Variants in MAP3K3 observed in about 807,000 individuals in gnomAD.
The protein encoded by MAP3K3 is MAP/ERK kinase kinase 3.
In MAP3K3, 12 loss-of-function variants were observed where a neutral mutation model predicts 80.9. The observed-to-expected ratio is 0.15, with a 90% confidence interval of 0.10 to 0.24. The LOEUF (loss-of-function observed/expected upper bound fraction) is 0.24, where lower values mean the gene tolerates loss of function less well. MAP3K3 is among the 10% of genes least tolerant of loss of function. The pLI is 1.00. For missense variants in MAP3K3, 596 were observed against 834.7 expected (o/e 0.71, Z 3.52); for synonymous variants, 272 against 307.1 (o/e 0.89, Z 1.19).
chr17:63,685,202 T>C (rs1472814942), intron 7 of MAP3K3, among the ~76,000 whole-genome samples: 1 of 152,188 alleles, frequency 6.6e-6, no homozygotes, highest in Non-Finnish European at 1.5e-5. Flanking sequence ...AGCAGGGTAG[T>C]ACCATCTCCA....
intron 1 of MAP3K3, among the ~76,000 whole-genome samples, chr17:63,630,904 CTT>C (rs1303385540): frequency 6.6e-6 from 1 of 152,098 alleles, no homozygotes; most frequent in Non-Finnish European, 1.5e-5. Context: ...GCAAAAACCT[CTT>C]TATAGGCAAC....
At chr17:63,677,449 G>T (rs2035241916) in intron 6 of MAP3K3, among the ~76,000 whole-genome samples, 1 of 152,212 alleles carries the variant, frequency 6.6e-6, no homozygotes, top group Non-Finnish European at 1.5e-5. Flanking sequence ...TGTGTTTTGT[G>T]ACATGATAAG....
rs528982316 is a variant in MAP3K3, at chr17:63,639,207, A to G, written c.126+6405A>G. Among the ~76,000 whole-genome samples, 5 of 152,290 alleles carry G rather than the reference A, an allele frequency of 3.3e-5. No individual in the cohort carries two copies. The South Asian group carries it at 6.2e-4, about 19-fold the overall frequency. ...AAGATGAGCCTGGGCCAGAGGAGCT[A>G]TGGAGTCATTTCAGGTGGAAGGGCA... is the stretch of plus-strand genomic sequence containing the variant. On this transcript the variant is annotated intron_variant, in intron 2 of 15. Coordinates refer to ENST00000361733, the MANE Select transcript of MAP3K3 (RefSeq NM_002401.5).
intron 2 of MAP3K3, chr17:63,637,133 G>A (rs539594040): frequency 5.6e-5 from 18 of 324,054 alleles, no homozygotes; most frequent in African/African-American, 2.9e-4. Flanking sequence ...GTGTGTGTGC[G>A]TGCATGCGCA....
rs1041565021 is a variant in MAP3K3 at position 63,689,238 on chromosome 17, C to T, written c.872-306C>T. 3.4e-5 allele frequency: 18 copies of T among 525,870 alleles called. No individual in the cohort carries two copies. Among genetic ancestry groups the T allele is most frequent in the Non-Finnish European group, 5.1e-5 (15 of 294,798 alleles). 32.6% of individuals were successfully genotyped at this position (525,870 alleles called of 1,614,324 possible). A position where few individuals can be genotyped will look rare whatever the true frequency, so the allele number is the denominator to read the frequency against. On this transcript the variant is annotated intron_variant, in intron 10 of 15. Coordinates refer to ENST00000361733, the MANE Select transcript of MAP3K3 (RefSeq NM_002401.5). The surrounding 1 kb of genome is among the most constrained non-coding windows in gnomAD (Gnocchi z 4.3). ...TGCCTTCGGGTGTGGCTTGGCCTTG[C>T]AAGCAATTGGGAGCCTGTTGGCCAG...
chr17:63,659,431 T>C (rs750330867), intron 5 of MAP3K3, among the ~76,000 whole-genome samples: 3 of 152,122 alleles, frequency 2.0e-5, no homozygotes, highest in Non-Finnish European at 2.9e-5. Context: ...AAAATTGCTC[T>C]GTGCTCAGGA....
intron 3 of MAP3K3, among the ~76,000 whole-genome samples, chr17:63,652,224 C>T (rs1194950734): frequency 6.6e-6 from 1 of 152,104 alleles, no homozygotes; most frequent in East Asian, 1.9e-4. Flanking sequence ...TGTTCCCCCT[C>T]CATGTGTCTG....
At chr17:63,634,279 A>C (rs2034275988) in intron 2 of MAP3K3, among the ~76,000 whole-genome samples, 1 of 152,070 alleles carries the variant, frequency 6.6e-6, no homozygotes, top group South Asian at 2.1e-4. Flanking sequence ...CTTCCTATGT[A>C]GTGTGTGCTT....
At chr17:63,675,600 A>G (rs1343637485) in intron 6 of MAP3K3, among the ~76,000 whole-genome samples, 2 of 152,248 alleles carry the variant, frequency 1.3e-5, no homozygotes, top group Non-Finnish European at 1.5e-5. Flanking sequence ...GCTAGCACGC[A>G]CTGGGTGGAA....
Position 63,692,341 on chromosome 17 carries a change from G to C in MAP3K3, c.1574G>C (p.Arg525Pro). The change falls in exon 15 of 16, where the codon CGC becomes CCC. Residue 525 changes from arginine (R) to proline (P), a missense_variant. Physicochemically the swap from Arg to Pro is moderately radical, Grantham distance 103 (BLOSUM62 -2). Coordinates refer to ENST00000361733, the MANE Select transcript of MAP3K3 (RefSeq NM_002401.5). The surrounding 1 kb of genome is among the most constrained non-coding windows in gnomAD (Gnocchi z 4.5). ...ATCTGTATGTCGGGGACGGGCATGC[G>C]CTCCGTCACTGGCACACCCTACTGG... ...QTICMSGTGM[R>P]SVTGTPYWMS... 1 of 1,613,880 alleles carries C rather than the reference G, an allele frequency of 6.2e-7. No individual in the cohort carries two copies. Among genetic ancestry groups the C allele is most frequent in the Non-Finnish European group, 8.5e-7 (1 of 1,179,992 alleles).
intron 7 of MAP3K3, among the ~76,000 whole-genome samples, chr17:63,683,761 T>C (rs1264450839): frequency 2.0e-5 from 3 of 152,222 alleles, no homozygotes; most frequent in African/African-American, 7.2e-5. Context: ...TAAGTTTTGT[T>C]TTTTCTTTAA....
chr17:63,678,519 CT>C (rs2035265735), intron 6 of MAP3K3, among the ~76,000 whole-genome samples: 1 of 152,098 alleles, frequency 6.6e-6, no homozygotes, highest in South Asian at 2.1e-4. Flanking sequence ...TGTTTCTGGC[CT>C]TTGCTCTGGA....
At chr17:63,668,241 A>G (rs1373995554) in intron 6 of MAP3K3, 3 of 152,234 alleles carry the variant, frequency 2.0e-5, no homozygotes, top group South Asian at 2.1e-4. Flanking sequence ...TCTGTTTGCA[A>G]TATGCCTCCT....
chr17:63,690,247 C>T lies in MAP3K3; in HGVS notation c.1064-17C>T, dbSNP rs746405970. 1 of 1,609,596 alleles carries T rather than the reference C, an allele frequency of 6.2e-7. No individual in the cohort carries two copies. Among genetic ancestry groups the T allele is most frequent in the Non-Finnish European group, 8.5e-7 (1 of 1,178,320 alleles). ...ATAATGTACACAAAGTAACTCTTTCCTTCTGCTCTCCTGTAGCTCCCAGTG... is the reference window on the plus strand; with the variant it reads ...ATAATGTACACAAAGTAACTCTTTCTTTCTGCTCTCCTGTAGCTCCCAGTG... On this transcript the variant is annotated splice_polypyrimidine_tract_variant and intron_variant, in intron 11 of 15. Coordinates refer to ENST00000361733, the MANE Select transcript of MAP3K3 (RefSeq NM_002401.5).
intron 5 of MAP3K3, among the ~76,000 whole-genome samples, chr17:63,662,339 C>T (rs998133635): frequency 1.3e-4 from 20 of 151,630 alleles, no homozygotes; most frequent in Admixed American, 3.3e-4. Context: ...CACCTGAGGC[C>T]GGGAGGTTGA....
intron 6 of MAP3K3, among the ~76,000 whole-genome samples, chr17:63,675,130 A>G (rs896984129): frequency 5.9e-5 from 9 of 152,216 alleles, no homozygotes; most frequent in Non-Finnish European, 1.5e-5. Flanking sequence ...CCAAAATAAA[A>G]TGGGAATTTT....
chr17:63,627,352 T>C (rs1191527145), intron 1 of MAP3K3, among the ~76,000 whole-genome samples: 1 of 152,210 alleles, frequency 6.6e-6, no homozygotes, highest in Non-Finnish European at 1.5e-5. Context: ...CTTCTAAGTG[T>C]GTCAGACCAC....
intron 3 of MAP3K3, among the ~76,000 whole-genome samples, chr17:63,649,406 T>C (rs900066856): frequency 1.4e-5 from 2 of 147,880 alleles, no homozygotes; most frequent in African/African-American, 5.0e-5. Context: ...CACTTCAGCC[T>C]AGGCGACAGA....
rs554729342 is a variant in MAP3K3, at chr17:63,681,772, A to G, written c.509A>G (p.Gln170Arg). 56 of 1,503,580 alleles carry G rather than the reference A, an allele frequency of 3.7e-5. No homozygotes were observed. The highest frequency in any genetic ancestry group is 4.3e-5 in the Non-Finnish European group (48 of 1,120,644). The allele number at this position is 1,503,580 out of a possible 1,614,324, so 93.1% of individuals were successfully genotyped here. A position where few individuals can be genotyped will look rare whatever the true frequency, so the allele number is the denominator to read the frequency against. The change falls in exon 7 of 16, where the codon CAG (glutamine) becomes CGG (arginine). Residue 170 changes from glutamine to arginine, a missense_variant. By Grantham distance (43) the Gln-to-Arg change is conservative. Coordinates refer to ENST00000361733, the MANE Select transcript of MAP3K3 (RefSeq NM_002401.5). The part of the protein sequence containing the change: ...PRSRHLSVSS[Q>R]NPGRSSPPPG... Reference sequence around the variant, plus strand: ...CCTCCTTTATGTGCTCTAGGCTCCCAGAACCCTGGCCGAAGCTCACCTCCC... The same window carrying G: ...CCTCCTTTATGTGCTCTAGGCTCCCGGAACCCTGGCCGAAGCTCACCTCCC...
Sources: allele counts gnomAD v4.1 joint callset (sites outside exome capture counted in the v4.1 genomes callset), GRCh38; gene constraint gnomAD v4.1.1; non-coding constraint Gnocchi (gnomAD v3.1); transcripts MANE v1.5; gene names NCBI Gene and HGNC (gene_info 2026-07-23, HGNC 2026-07-21).